The following MAN1A1 variants were observed in gnomAD, a reference collection of about 807,000 sequenced individuals.
MAN1A1 encodes mannosyl-oligosaccharide 1,2-alpha-mannosidase IA.
MAN1A1 carries 29 observed loss-of-function variants against 70.8 expected under a neutral mutation model. The observed-to-expected ratio is 0.41, with a 90% CI of 0.31 to 0.56. MAN1A1 has a LOEUF of 0.56. Among genes scored for constraint, MAN1A1 ranks in the 20% least tolerant of loss-of-function variants. The probability of loss-of-function intolerance (pLI) is 0.29; values close to 1 mark genes in which losing one functional copy is unlikely to be tolerated. For missense variants in MAN1A1, 747 were observed against 841.3 expected (o/e 0.89, Z 1.39); for synonymous variants, 349 against 330.1 (o/e 1.06, Z -0.62).
chr6:119,348,925 T>C lies in MAN1A1; in HGVS notation c.141A>G (p.Val47=). The change falls in exon 2 of 13, where the codon GTA becomes GTG. Residue 47 remains valine, a synonymous_variant. Coordinates refer to ENST00000368468, the MANE Select transcript of MAN1A1 (RefSeq NM_005907.4). ...AGCAGAGCGTGATGAAGGCGCTGAA[T>C]ACCAGCAGCAGCACGAACTTCTCCG... is the stretch of plus-strand genomic sequence containing the variant. ...RLTEKFVLLL[V]FSAFITLCFG... The C allele has an allele frequency of 1.3e-6, 2 of 1,533,804 alleles. No homozygotes were observed. Among genetic ancestry groups the C allele is most frequent in the African/African-American group, 1.4e-5 (1 of 70,172 alleles).
At chr6:119,327,802 AT>A (rs1326690058) in intron 2 of MAN1A1, among the ~76,000 whole-genome samples, 3 of 152,226 alleles carry the variant, frequency 2.0e-5, no homozygotes, top group Non-Finnish European at 2.9e-5. Flanking sequence ...TGTGTACACC[AT>A]AAATATATAC....
chr6:119,304,910 T>C (rs1405875659), intron 3 of MAN1A1, among the ~76,000 whole-genome samples: 1 of 151,834 alleles, frequency 6.6e-6, no homozygotes, highest in African/African-American at 2.4e-5. Flanking sequence ...ATTACACAGA[T>C]AAGAAATTTG....
chr6:119,197,945 T>TC (rs1188684974), intron 8 of MAN1A1, among the ~76,000 whole-genome samples: 2 of 152,026 alleles, frequency 1.3e-5, no homozygotes, highest in African/African-American at 4.8e-5. Context: ...GCTCCTTCTG[T>TC]CCCCCTTCAT....
chr6:119,339,527 C>T lies in MAN1A1; in HGVS notation c.603+8936G>A, dbSNP rs554237558. On this transcript the variant is annotated intron_variant, in intron 2 of 12. Coordinates refer to ENST00000368468, the MANE Select transcript of MAN1A1 (RefSeq NM_005907.4). Reference sequence around the variant, plus strand: ...ATAACCCGGCGTCGGGGGGTGGGAACGAACTTACATATTGGGGTTAGGGAG... The same window carrying T: ...ATAACCCGGCGTCGGGGGGTGGGAATGAACTTACATATTGGGGTTAGGGAG... Among the ~76,000 whole-genome samples, 8 of 151,460 alleles carry T rather than the reference C, an allele frequency of 5.3e-5. No individual in the cohort carries two copies. In the South Asian group the frequency reaches 1.0e-3, roughly 20 times the overall value.
At chr6:119,241,249 AGAGTT>A (rs978265878) in intron 6 of MAN1A1, among the ~76,000 whole-genome samples, 3 of 152,318 alleles carry the variant, frequency 2.0e-5, no homozygotes, top group Non-Finnish European at 2.9e-5. Flanking sequence ...CAAACTGCTT[AGAGTT>A]AAGTGGAAAC....
chr6:119,336,547 G>A (rs1159200232), intron 2 of MAN1A1, among the ~76,000 whole-genome samples: 1 of 152,132 alleles, frequency 6.6e-6, no homozygotes, highest in East Asian at 1.9e-4. Flanking sequence ...ACTGACAAAT[G>A]CATAAAATTC....
Position 119,335,798 on chromosome 6 carries a change from T to C in MAN1A1, c.603+12665A>G, listed in dbSNP as rs147094859. ...TCCTAAACGACATGTGTTCTGGAGATAGTAACTATGTAAGTTTTGTGGAAG... is the reference window on the plus strand; with the variant it reads ...TCCTAAACGACATGTGTTCTGGAGACAGTAACTATGTAAGTTTTGTGGAAG... On this transcript the variant is annotated intron_variant, in intron 2 of 12. Coordinates refer to ENST00000368468, the MANE Select transcript of MAN1A1 (RefSeq NM_005907.4). Among the ~76,000 whole-genome samples the C allele has an allele frequency of 4.2e-3, 638 of 152,326 alleles. 3 individuals carry two copies. The highest frequency in any genetic ancestry group is 6.7e-3 in the Non-Finnish European group (458 of 68,034).
At chr6:119,336,559 T>C (rs758219318) in intron 2 of MAN1A1, among the ~76,000 whole-genome samples, 13 of 152,214 alleles carry the variant, frequency 8.5e-5, no homozygotes, top group Non-Finnish European at 1.8e-4. Flanking sequence ...ATAAAATTCA[T>C]TGAGCCTCTA....
At chr6:119,345,106 C>T (rs987959515) in intron 2 of MAN1A1, among the ~76,000 whole-genome samples, 14 of 136,610 alleles carry the variant, frequency 1.0e-4, no homozygotes, top group Non-Finnish European at 1.6e-4. Flanking sequence ...TTCAGAAAAA[C>T]GAAAAAAAAA....
intron 2 of MAN1A1, among the ~76,000 whole-genome samples, chr6:119,320,558 T>G (rs1422681992): frequency 6.6e-6 from 1 of 151,944 alleles, no homozygotes; most frequent in Admixed American, 6.6e-5. Flanking sequence ...CCAAAAAAAT[T>G]ACAGTAGCCA....
chr6:119,181,577 T>C (rs1773155663), intron 11 of MAN1A1, among the ~76,000 whole-genome samples: 2 of 152,042 alleles, frequency 1.3e-5, no homozygotes, highest in Admixed American at 1.3e-4. Context: ...AACAGATGGG[T>C]TGGGCAGTGT....
chr6:119,256,877 T>C (rs1340445559), intron 5 of MAN1A1, among the ~76,000 whole-genome samples: 1 of 152,132 alleles, frequency 6.6e-6, no homozygotes, highest in African/African-American at 2.4e-5. Flanking sequence ...ATACGAGAGA[T>C]ACATGAGAAA....
At chr6:119,299,173 G>C (rs1318272198) in intron 4 of MAN1A1, among the ~76,000 whole-genome samples, 3 of 151,932 alleles carry the variant, frequency 2.0e-5, no homozygotes, top group African/African-American at 7.3e-5. Context: ...ATTCTAATGT[G>C]ACATATTAAA....
At chr6:119,181,453 T>G (rs1261509826) in intron 11 of MAN1A1, among the ~76,000 whole-genome samples, 1 of 79,614 alleles carries the variant, frequency 1.3e-5, no homozygotes, top group Non-Finnish European at 2.4e-5. Flanking sequence ...AAATACATGT[T>G]TTTTTTTTTT....
chr6:119,211,994 C>G (rs534464494), intron 6 of MAN1A1, among the ~76,000 whole-genome samples: 15 of 151,912 alleles, frequency 9.9e-5, no homozygotes, highest in South Asian at 4.2e-4. Flanking sequence ...GTGCCCACCA[C>G]CATGCCTGGC....
chr6:119,226,486 TCAAA>T (rs1298668369), intron 6 of MAN1A1, among the ~76,000 whole-genome samples: 4 of 151,858 alleles, frequency 2.6e-5, no homozygotes, highest in Non-Finnish European at 4.4e-5. Context: ...ACAAATGAAA[TCAAA>T]CAAACAAAAA....
rs117185099 is a variant in MAN1A1 at position 119,193,550 on chromosome 6, C to T, written c.1326+227G>A. Among the ~76,000 whole-genome samples, 1,380 of 152,266 alleles carry T rather than the reference C, an allele frequency of 9.1e-3. 12 individuals are homozygous for T. The highest frequency in any genetic ancestry group is 0.015 in the Non-Finnish European group (1,053 of 68,004). Reference sequence around the variant, plus strand: ...GAATACTACTTTTTCAGATATGTGACTCTTAACTGAGGTTTAAACCATGCA... The same window carrying T: ...GAATACTACTTTTTCAGATATGTGATTCTTAACTGAGGTTTAAACCATGCA... On this transcript the variant is annotated intron_variant, in intron 9 of 12. Coordinates refer to ENST00000368468, the MANE Select transcript of MAN1A1 (RefSeq NM_005907.4).
intron 6 of MAN1A1, 91 bp downstream of exon 6, chr6:119,248,169 T>C (rs748838369): frequency 2.1e-5 from 17 of 811,820 alleles, no homozygotes; most frequent in Non-Finnish European, 2.8e-5. Flanking sequence ...ACCAGTATCA[T>C]ATAAGTAATT....
chr6:119,261,015 G>C (rs1247468065), intron 5 of MAN1A1, among the ~76,000 whole-genome samples: 1 of 112,140 alleles, frequency 8.9e-6, no homozygotes, highest in African/African-American at 3.6e-5. Flanking sequence ...GTCTCGCTCT[G>C]TTGCCCAGGC....
Sources: allele counts gnomAD v4.1 joint callset (sites outside exome capture counted in the v4.1 genomes callset), GRCh38; gene constraint gnomAD v4.1.1; transcripts MANE v1.5; gene names NCBI Gene and HGNC (gene_info 2026-07-23, HGNC 2026-07-21).